The following SCN2A variants were observed in gnomAD, a reference collection of about 807,000 sequenced individuals.
SCN2A encodes sodium channel protein type 2 subunit alpha.
A neutral mutation model predicts 188.7 loss-of-function variants in SCN2A; 20 were observed. The ratio of observed to expected loss-of-function variants is 0.11; its 90% CI spans 0.07 to 0.15. The LOEUF is 0.15. SCN2A is among the 10% of genes least tolerant of loss of function. SCN2A has a pLI of 1.00. For synonymous variants in SCN2A, 804 were observed against 833.1 expected, an observed-to-expected ratio of 0.97 and a Z score of 0.60; for missense variants, 1,278 against 2,445.0, an observed-to-expected ratio of 0.52 and a Z score of 10.07.
chr2:165,287,469 A>G (rs1425383950), intron 1 of SCN2A, among the ~76,000 whole-genome samples: 3 of 150,818 alleles, frequency 2.0e-5, no homozygotes, highest in South Asian at 2.1e-4. Flanking sequence ...CACTCACCCA[A>G]TTCCTGAGAA....
At chr2:165,291,940 G>A (rs552894872) in intron 1 of SCN2A, among the ~76,000 whole-genome samples, 1 of 152,130 alleles carries the variant, frequency 6.6e-6, no homozygotes, top group South Asian at 2.1e-4. Context: ...TCAGTGAGAT[G>A]CAATGAGTTT....
intron 22 of SCN2A, among the ~76,000 whole-genome samples, chr2:165,376,347 A>G (rs1200754767): frequency 1.3e-5 from 2 of 151,910 alleles, no homozygotes; most frequent in East Asian, 1.9e-4. Context: ...TATATTTTTG[A>G]AAAGCAATTA....
chr2:165,299,579 C>G (rs1027495326), intron 3 of SCN2A, among the ~76,000 whole-genome samples: 2 of 152,224 alleles, frequency 1.3e-5, no homozygotes, highest in African/African-American at 2.4e-5. Flanking sequence ...GTCTAAGATA[C>G]ATGAATCCTT....
intron 22 of SCN2A, among the ~76,000 whole-genome samples, chr2:165,376,699 G>GGTGTGTGTGT (rs59867116): frequency 6.6e-6 from 1 of 150,464 alleles, no homozygotes; most frequent in Non-Finnish European, 1.5e-5. Context: ...GTTGAAAAGG[G>GGTGTGTGTGT]GTGTGTGTGT....
chr2:165,296,488 TC>T (rs1228037177), intron 2 of SCN2A: 1 of 248,972 alleles, frequency 4.0e-6, no homozygotes, highest in African/African-American at 2.3e-5. Context: ...GTATCTAAAT[TC>T]CTCTTTATAG....
chr2:165,287,651 G>T (rs2106131225), intron 1 of SCN2A, among the ~76,000 whole-genome samples: 1 of 152,204 alleles, frequency 6.6e-6, no homozygotes, highest in East Asian at 1.9e-4. Context: ...GCTCTCTACT[G>T]CCTTGCTCAT....
Position 165,260,970 on chromosome 2 carries a change from C to CAAAAAAAAA in SCN2A, c.-52+21341_-52+21349dup, listed in dbSNP as rs760304392. On this transcript the variant is annotated intron_variant, in intron 1 of 26. Transcript: ENST00000375437. The stretch of plus-strand genomic sequence containing the variant: ...GGGTGACAAGAGTGAAACTCCGTCT[C>CAAAAAAAAA]AAAAAAAAAAAAAAAAAAAGGTATG... Among the ~76,000 whole-genome samples, 3 of 90,390 alleles carry CAAAAAAAAA rather than the reference C, an allele frequency of 3.3e-5. 1 individual carries two copies. The highest frequency in any genetic ancestry group is 6.3e-5 in the Non-Finnish European group (3 of 47,606). The allele number at this position is 90,390 out of a possible 152,430, so 59.3% of individuals were successfully genotyped here. A position where few individuals can be genotyped will look rare whatever the true frequency, so the allele number is the denominator to read the frequency against.
chr2:165,299,649 A>C (rs1283555018), intron 3 of SCN2A, among the ~76,000 whole-genome samples: 2 of 152,194 alleles, frequency 1.3e-5, no homozygotes, highest in African/African-American at 2.4e-5. Context: ...AGAGGTATAT[A>C]GATGCTGTAG....
chr2:165,353,149 T>C (rs1291433967), intron 16 of SCN2A, among the ~76,000 whole-genome samples: 1 of 152,126 alleles, frequency 6.6e-6, no homozygotes, highest in Non-Finnish European at 1.5e-5. Context: ...ATTTGCAGAC[T>C]GATTACTGTC....
intron 17 of SCN2A, among the ~76,000 whole-genome samples, chr2:165,356,928 C>T (rs73025921): frequency 0.039 from 5,950 of 152,128 alleles, 375 homozygotes; most frequent in African/African-American, 0.13. Flanking sequence ...TTTGTGAATT[C>T]AGTATTTCAG....
At chr2:165,372,585 C>G (rs1038967791) in intron 20 of SCN2A, 1 of 151,974 alleles carries the variant, frequency 6.6e-6, no homozygotes, top group Non-Finnish European at 1.5e-5. Context: ...CTACATTAGT[C>G]AACTGTATGA....
chr2:165,354,138 A>G, intron 16 of SCN2A, 54 bp from the exon 17 acceptor site: 4 of 1,609,658 alleles, frequency 2.5e-6, no homozygotes, highest in Non-Finnish European at 1.7e-6. Context: ...AATGATGGAA[A>G]GCAATTGAAG....
At chr2:165,305,107 G>A (rs762032317) in intron 3 of SCN2A, among the ~76,000 whole-genome samples, 10 of 152,192 alleles carry the variant, frequency 6.6e-5, no homozygotes, top group Non-Finnish European at 1.5e-4. Context: ...TCCAGAGATA[G>A]CAGGCAGAAT....
At chr2:165,285,919 G>T in intron 1 of SCN2A, 1 of 226,166 alleles carries the variant, frequency 4.4e-6, no homozygotes, top group South Asian at 7.9e-5. Context: ...ACAATGAATT[G>T]ATTTGCCAGC....
At chr2:165,311,095 T>C (rs946246176) in intron 7 of SCN2A, among the ~76,000 whole-genome samples, 3 of 152,080 alleles carry the variant, frequency 2.0e-5, no homozygotes, top group African/African-American at 7.2e-5. Flanking sequence ...GTAACCCTGA[T>C]TTAGCCATTC....
chr2:165,357,242 C>T (rs1700225011), intron 17 of SCN2A, among the ~76,000 whole-genome samples: 1 of 152,150 alleles, frequency 6.6e-6, no homozygotes, highest in Non-Finnish European at 1.5e-5. Flanking sequence ...GAATTTCAGA[C>T]ACTCGCATTT....
chr2:165,363,813 ATAAT>A (rs967529130), intron 17 of SCN2A, among the ~76,000 whole-genome samples: 63 of 152,170 alleles, frequency 4.1e-4, no homozygotes, highest in African/African-American at 1.5e-3. Flanking sequence ...AAATTAAAAA[ATAAT>A]TCTCTAACTC....
chr2:165,367,189 G>A (rs1420948126), intron 18 of SCN2A, 28 bp from the exon 19 acceptor site: 6 of 1,612,586 alleles, frequency 3.7e-6, no homozygotes, highest in African/African-American at 1.3e-5. Context: ...GTAATTTTTT[G>A]TCTTCATTTT....
chr2:165,341,844 T>C (rs1174322561), intron 14 of SCN2A, among the ~76,000 whole-genome samples: 1 of 152,224 alleles, frequency 6.6e-6, no homozygotes. Context: ...TCTTACTATC[T>C]GTAGAGCTAG....
Sources: allele counts gnomAD v4.1 joint callset (sites outside exome capture counted in the v4.1 genomes callset), GRCh38; gene constraint gnomAD v4.1.1; transcripts MANE v1.5; gene names NCBI Gene and HGNC (gene_info 2026-07-23, HGNC 2026-07-21).